Variants in NRXN2 observed in about 807,000 individuals in gnomAD.
The protein encoded by NRXN2 is neurexin-2-beta.
A neutral mutation model predicts 128.8 loss-of-function variants in NRXN2; 29 were observed. The ratio of observed to expected loss-of-function variants is 0.23; its 90% CI spans 0.17 to 0.31. The LOEUF (loss-of-function observed/expected upper bound fraction) is 0.31, where lower values mean the gene tolerates loss of function less well. Among genes scored for constraint, NRXN2 ranks in the 10% least tolerant of loss-of-function variants. NRXN2 has a pLI of 1.00. For synonymous variants in NRXN2, 1,098 were observed against 1,075.2 expected, an observed-to-expected ratio of 1.02 and a Z score of -0.41; for missense variants, 1,881 against 2,452.6, an observed-to-expected ratio of 0.77 and a Z score of 4.92.
chr11:64,613,313 T>G (rs958654927), intron 22 of NRXN2, among the ~76,000 whole-genome samples: 1 of 152,244 alleles, frequency 6.6e-6, no homozygotes, highest in Non-Finnish European at 1.5e-5. Flanking sequence ...CTGAGTTCCG[T>G]GTGCACATGT....
chr11:64,642,488 G>GC (rs775366001), intron 17 of NRXN2: 17 of 1,562,290 alleles, frequency 1.1e-5, no homozygotes, highest in Non-Finnish European at 1.4e-5. Context: ...CACGGGAAGC[G>GC]CCCCCCGCCC....
chr11:64,693,104 G>A (rs1728906487), intron 3 of NRXN2, among the ~76,000 whole-genome samples: 1 of 151,244 alleles, frequency 6.6e-6, no homozygotes, highest in Admixed American at 6.6e-5. Context: ...ACAGCGGGTG[G>A]AGGGCACAAC....
In NRXN2 at chr11:64,713,387, T is replaced by C. The variant is rs1405074266; in HGVS notation, c.313A>G (p.Thr105Ala). 7.5e-6 allele frequency: 11 copies of C among 1,466,860 alleles called. No homozygotes were observed. Among genetic ancestry groups the C allele is most frequent in the African/African-American group, 1.5e-5 (1 of 68,094 alleles). 90.9% of individuals were successfully genotyped at this position (1,466,860 alleles called of 1,614,324 possible). The change falls in exon 2 of 23, where the codon ACG becomes GCG. Residue 105 changes from threonine to alanine, a missense_variant. This residue lies in a region of NRXN2 where 997 missense variants were observed against 1,240.8 expected (regional missense o/e 0.80). Coordinates refer to ENST00000265459, the MANE Select transcript of NRXN2 (RefSeq NM_015080.4). ...CAEPATLQLD[T>A]PVADDRWHMV... The stretch of plus-strand genomic sequence containing the variant: ...TGCCAGCGGTCGTCGGCCACCGGCG[T>C]GTCCAGCTGCAGCGTGGCCGGCTCG...
chr11:64,678,663 CCA>C (rs1159042890), intron 6 of NRXN2, among the ~76,000 whole-genome samples: 10 of 152,278 alleles, frequency 6.6e-5, no homozygotes, highest in Admixed American at 6.5e-4. Flanking sequence ...GCAGCAACAA[CCA>C]CCTTCCAAAT....
rs2050189224 is a variant in NRXN2, at chr11:64,668,445, C to T, written c.1357G>A (p.Asp453Asn). Reference protein sequence around the residue: ...VSNNFMGCLKDVVYKNNDFKL... With the variant: ...VSNNFMGCLKNVVYKNNDFKL... Reference sequence around the variant, plus strand: ...AGCCCCTCCCTAGCCCTACTCACGTCCTTGAGGCAGCCCATGAAGTTGTTG... The same window carrying T: ...AGCCCCTCCCTAGCCCTACTCACGTTCTTGAGGCAGCCCATGAAGTTGTTG... The change falls in exon 8 of 23, where the codon GAC becomes AAC. Residue 453 changes from aspartate to asparagine, a missense_variant and splice_region_variant. Around this residue, in one of 7 missense-constraint regions of NRXN2, gnomAD observed 997 missense variants for 1,240.8 expected, o/e 0.80. Transcript: ENST00000265459. The T allele has an allele frequency of 6.2e-7, 1 of 1,613,706 alleles. No individual in the cohort carries two copies. Among genetic ancestry groups the T allele is most frequent in the South Asian group, 1.1e-5 (1 of 91,078 alleles).
Position 64,651,631 on chromosome 11 carries a change from T to C in NRXN2, c.2542A>G (p.Met848Val), listed in dbSNP as rs2047467387. 1 of 1,613,812 alleles carries C rather than the reference T, an allele frequency of 6.2e-7. No individual in the cohort carries two copies. The highest frequency in any genetic ancestry group is 8.5e-7 in the Non-Finnish European group (1 of 1,179,946). ...SVDNVTVEGQMAGAHMRLEFH... is the reference protein window; with the variant it reads ...SVDNVTVEGQVAGAHMRLEFH... Reference sequence around the variant, plus strand: ...TCCAGCCGCATATGGGCTCCTGCCATCTGTCCTGCTCAGGACAGGAGACCA... The same window carrying C: ...TCCAGCCGCATATGGGCTCCTGCCACCTGTCCTGCTCAGGACAGGAGACCA... The change falls in exon 14 of 23, where the codon ATG (methionine) becomes GTG (valine). Residue 848 changes from methionine to valine, a missense_variant. By Grantham distance (21) the Met-to-Val change is conservative. Transcript: ENST00000265459. This position sits in a 1 kb window ranked among gnomAD's most constrained non-coding sequence, Gnocchi z 5.9.
chr11:64,690,568 A>T, intron 4 of NRXN2, 92 bp from the exon 5 acceptor site: 1 of 1,151,236 alleles, frequency 8.7e-7, no homozygotes, highest in South Asian at 1.3e-5. Context: ...TCCAGGGTGG[A>T]GGTGCTGCTT....
chr11:64,661,064 T>C lies in NRXN2; in HGVS notation c.1874A>G (p.Glu625Gly). Reference sequence around the variant, plus strand: ...CTCAGGGAGACCGCCCAGGTACAGCTCACTCTCCAGGTCCAGAATCTCGCT... The same window carrying C: ...CTCAGGGAGACCGCCCAGGTACAGCCCACTCTCCAGGTCCAGAATCTCGCT... Reference protein sequence around the residue: ...GDSEILDLESELYLGGLPEGG... With the variant: ...GDSEILDLESGLYLGGLPEGG... Residue 625 changes from glutamate to glycine, a missense_variant, in exon 10 of 23, where the codon GAG becomes GGG. Transcript: ENST00000265459. 1 of 1,613,416 alleles carries C rather than the reference T, an allele frequency of 6.2e-7. No homozygotes were observed. The highest frequency in any genetic ancestry group is 8.5e-7 in the Non-Finnish European group (1 of 1,180,000).
intron 17 of NRXN2, among the ~76,000 whole-genome samples, chr11:64,641,819 C>T (rs939620579): frequency 6.6e-6 from 1 of 151,802 alleles, no homozygotes; most frequent in African/African-American, 2.4e-5. Context: ...AGGTGAGATG[C>T]TGGGGGTCAG....
At chr11:64,614,284 C>T (rs1203672924) in intron 22 of NRXN2, among the ~76,000 whole-genome samples, 1 of 152,232 alleles carries the variant, frequency 6.6e-6, no homozygotes, top group African/African-American at 2.4e-5. Flanking sequence ...CAAATGTCCT[C>T]AAGACAATCA....
chr11:64,652,047 C>A lies in NRXN2; in HGVS notation c.2524G>T (p.Val842Leu). The A allele has an allele frequency of 6.2e-7, 1 of 1,612,600 alleles. No homozygotes were observed. The highest frequency in any genetic ancestry group is 8.5e-7 in the Non-Finnish European group (1 of 1,179,986). The change falls in exon 13 of 23, where the codon GTG (valine) becomes TTG (leucine). Residue 842 changes from valine (V) to leucine (L), a missense_variant. This residue lies in a region of NRXN2 where 997 missense variants were observed against 1,240.8 expected (regional missense o/e 0.80). Coordinates refer to ENST00000265459, the MANE Select transcript of NRXN2 (RefSeq NM_015080.4). Reference sequence around the variant, plus strand: ...CCAGACCACCTACCCTCCACAGTCACGTTGTCCACAGACAGCTGCAGGCTC... The same window carrying A: ...CCAGACCACCTACCCTCCACAGTCAAGTTGTCCACAGACAGCTGCAGGCTC... ...GKSLQLSVDN[V>L]TVEGQMAGAH...
chr11:64,647,600 T>C (rs552270235), intron 17 of NRXN2, among the ~76,000 whole-genome samples: 3 of 152,114 alleles, frequency 2.0e-5, no homozygotes, highest in Admixed American at 2.0e-4. Flanking sequence ...GCGAAGACAG[T>C]AGGGAGTGAC....
At chr11:64,716,569 T>C (rs1255844424) in intron 1 of NRXN2, among the ~76,000 whole-genome samples, 2 of 152,074 alleles carry the variant, frequency 1.3e-5, no homozygotes, top group African/African-American at 4.8e-5. Context: ...AGGGGTGCCG[T>C]GCAGGCAGGC....
intron 2 of NRXN2, among the ~76,000 whole-genome samples, chr11:64,711,342 T>C (rs1271653102): frequency 1.3e-5 from 2 of 152,142 alleles, no homozygotes; most frequent in African/African-American, 4.8e-5. Context: ...ACGTCAGGCC[T>C]GAGGCACACA....
intron 1 of NRXN2, among the ~76,000 whole-genome samples, chr11:64,718,805 C>A (rs571897454): frequency 6.6e-6 from 1 of 152,144 alleles, no homozygotes; most frequent in Non-Finnish European, 1.5e-5. Context: ...CCTACCTCCC[C>A]CTTCCTTCCA....
chr11:64,672,535 C>A (rs2050768391), intron 7 of NRXN2, among the ~76,000 whole-genome samples: 1 of 152,144 alleles, frequency 6.6e-6, no homozygotes, highest in Non-Finnish European at 1.5e-5. Context: ...TTGGGAGATT[C>A]CAAGCCCCTT....
rs2053640025 is a variant in NRXN2, at chr11:64,690,408, T to C, written c.847A>G (p.Lys283Glu). 1 of 1,612,706 alleles carries C rather than the reference T, an allele frequency of 6.2e-7. No individual in the cohort carries two copies. The highest frequency in any genetic ancestry group is 8.5e-7 in the Non-Finnish European group (1 of 1,179,632). The change falls in exon 5 of 23, where the codon AAA (lysine) becomes GAA (glutamate). Residue 283 changes from lysine (K) to glutamate (E), a missense_variant. Coordinates refer to ENST00000265459, the MANE Select transcript of NRXN2 (RefSeq NM_015080.4). ...GGGGACCATGGGGGTCACTGACCTT[T>C]TGTTGGCTGGTGCACATCGCCGGCT... ...GGAGDVHQPT[K>E]GKEEFVATFK...
At chr11:64,669,556 G>A (rs1241337799) in intron 7 of NRXN2, among the ~76,000 whole-genome samples, 5 of 152,164 alleles carry the variant, frequency 3.3e-5, no homozygotes, top group African/African-American at 4.8e-5. Context: ...GGTATTCCAG[G>A]AGGCAGGGGG....
chr11:64,623,515 C>T lies in NRXN2; in HGVS notation c.3848-437G>A, dbSNP rs2135335514. The T allele has an allele frequency of 4.5e-6, 1 of 223,824 alleles. No individual in the cohort carries two copies. Among genetic ancestry groups the T allele is most frequent in the South Asian group, 6.9e-5 (1 of 14,444 alleles). 13.9% of individuals were successfully genotyped at this position (223,824 alleles called of 1,614,324 possible). A position where few individuals can be genotyped will look rare whatever the true frequency, so the allele number is the denominator to read the frequency against. ...AGCCCCAAGCCCTGAAGCCATGGAG[C>T]CCCTGGAAGAGGCAGATAGAGGAGA... On this transcript the variant is annotated intron_variant, in intron 20 of 22. Coordinates refer to ENST00000265459, the MANE Select transcript of NRXN2 (RefSeq NM_015080.4). The surrounding 1 kb of genome is among the most constrained non-coding windows in gnomAD (Gnocchi z 4.9).
Sources: allele counts gnomAD v4.1 joint callset (sites outside exome capture counted in the v4.1 genomes callset), GRCh38; gene constraint gnomAD v4.1.1; regional missense constraint gnomAD v4.1.1; non-coding constraint Gnocchi (gnomAD v3.1); transcripts MANE v1.5; gene names NCBI Gene and HGNC (gene_info 2026-07-23, HGNC 2026-07-21).